Variants in RPSA2 observed in about 807,000 individuals in gnomAD.
RPSA2 encodes small ribosomal subunit protein uS2B.
the RPSA2 span, among the ~76,000 whole-genome samples, chr19:23,785,835 A>G: frequency 6.6e-6 from 1 of 152,210 alleles, no homozygotes; most frequent in South Asian, 2.1e-4. Context: ...AGCTAGGCCT[A>G]GGGTAATGAT....
At chr19:23,813,067 A>G in the RPSA2 span, among the ~76,000 whole-genome samples, 1 of 151,960 alleles carries the variant, frequency 6.6e-6, no homozygotes, top group Non-Finnish European at 1.5e-5. Context: ...CCTCTCTACA[A>G]ACATTTTTTT....
chr19:23,866,787 T>C, the RPSA2 span, among the ~76,000 whole-genome samples: 2 of 152,134 alleles, frequency 1.3e-5, no homozygotes, highest in East Asian at 1.9e-4. Flanking sequence ...CCACCAGAGA[T>C]AGAATTACAT....
At chr19:23,761,917 T>TCCC in the RPSA2 span, among the ~76,000 whole-genome samples, 1 of 31,720 alleles carries the variant, frequency 3.2e-5, no homozygotes, top group African/African-American at 9.0e-5. Flanking sequence ...TCTTTCTTTC[T>TCCC]TTCTTTTTTT....
chr19:23,818,923 T>A, the RPSA2 span: 1 of 152,452 alleles, frequency 6.6e-6, no homozygotes, highest in Non-Finnish European at 1.5e-5. Flanking sequence ...CTATAATAAG[T>A]GGTAGAACAG....
the RPSA2 span, among the ~76,000 whole-genome samples, chr19:23,856,372 G>T: frequency 6.6e-6 from 1 of 152,066 alleles, no homozygotes; most frequent in African/African-American, 2.4e-5. Flanking sequence ...CCTGAATAGG[G>T]TGACCATATT....
chr19:23,857,654 C>T, the RPSA2 span, among the ~76,000 whole-genome samples: 9 of 8,346 alleles, frequency 1.1e-3, no homozygotes, highest in Admixed American at 2.4e-3. Flanking sequence ...CCACACCTAG[C>T]TAATTTTTTT....
chr19:23,858,984 C>A, the RPSA2 span, among the ~76,000 whole-genome samples: 7 of 152,176 alleles, frequency 4.6e-5, no homozygotes, highest in African/African-American at 1.7e-4. Flanking sequence ...CACTCTTTTT[C>A]AGGAGATTCA....
At chr19:23,824,252 G>T in the RPSA2 span, among the ~76,000 whole-genome samples, 1 of 152,234 alleles carries the variant, frequency 6.6e-6, no homozygotes, top group Non-Finnish European at 1.5e-5. Context: ...AGCTGACCTT[G>T]CAGCTGCATT....
the RPSA2 span, among the ~76,000 whole-genome samples, chr19:23,766,142 C>CTTTTTTTTTTTTTTTTTTTTTTTTTTT: frequency 3.5e-4 from 15 of 43,260 alleles, 7 homozygotes; most frequent in African/African-American, 5.5e-4. Flanking sequence ...TATTTCATTT[C>CTTTTTTTTTTTTTTTTTTTTTTTTTTT]CTTTTTTTTT....
the RPSA2 span, chr19:23,828,046 T>G: frequency 1.6e-6 from 1 of 632,296 alleles, no homozygotes; most frequent in Non-Finnish European, 2.8e-6. Flanking sequence ...CTGACTGGTC[T>G]TAAGCTGTTC....
the RPSA2 span, among the ~76,000 whole-genome samples, chr19:23,814,041 A>G: frequency 6.6e-6 from 1 of 151,692 alleles, no homozygotes; most frequent in Non-Finnish European, 1.5e-5. Flanking sequence ...ATGAAACCCC[A>G]TCTCTACTAA....
At chr19:23,763,674 G>A in the RPSA2 span, among the ~76,000 whole-genome samples, 1 of 152,142 alleles carries the variant, frequency 6.6e-6, no homozygotes, top group East Asian at 1.9e-4. Context: ...TCGCCATGGC[G>A]GAAGGTGGTC....
At chr19:23,856,828 G>A in the RPSA2 span, among the ~76,000 whole-genome samples, 1 of 152,166 alleles carries the variant, frequency 6.6e-6, no homozygotes, top group Non-Finnish European at 1.5e-5. Context: ...GGGAGGGGGT[G>A]TAAGAACAGG....
At chr19:23,759,058 G>C in the RPSA2 span, among the ~76,000 whole-genome samples, 14,567 of 152,142 alleles carry the variant, frequency 0.096, 768 homozygotes, top group East Asian at 0.22. Flanking sequence ...GACTAACAAC[G>C]TAAGTTGCAG....
At chr19:23,811,910 T>C in the RPSA2 span, among the ~76,000 whole-genome samples, 1 of 152,184 alleles carries the variant, frequency 6.6e-6, no homozygotes, top group African/African-American at 2.4e-5. Flanking sequence ...TTTAAAAGCT[T>C]ATCCATTAAA....
the RPSA2 span, among the ~76,000 whole-genome samples, chr19:23,804,883 C>T: frequency 2.6e-5 from 4 of 152,016 alleles, no homozygotes; most frequent in African/African-American, 9.7e-5. Flanking sequence ...TGGGTGAAAG[C>T]ATCTATTTGT....
chr19:23,833,997 G>C, the RPSA2 span, among the ~76,000 whole-genome samples: 1 of 151,890 alleles, frequency 6.6e-6, no homozygotes, highest in Admixed American at 6.6e-5. Context: ...AAACACCAAA[G>C]AGTTTATACT....
the RPSA2 span, among the ~76,000 whole-genome samples, chr19:23,856,044 T>G: frequency 6.6e-6 from 1 of 152,068 alleles, no homozygotes; most frequent in African/African-American, 2.4e-5. Context: ...AGTTAGATAT[T>G]GAATCCTCAA....
At chr19:23,815,519 A>G in the RPSA2 span, among the ~76,000 whole-genome samples, 2 of 152,186 alleles carry the variant, frequency 1.3e-5, no homozygotes, top group Admixed American at 6.6e-5. Flanking sequence ...TTCGCCTTCA[A>G]CCATGATTGT....
Sources: allele counts gnomAD v4.1 joint callset (sites outside exome capture counted in the v4.1 genomes callset), GRCh38; gene constraint gnomAD v4.1.1; transcripts MANE v1.5; gene names NCBI Gene and HGNC (gene_info 2026-07-23, HGNC 2026-07-21).